Variants in MYO16 observed in about 807,000 individuals in gnomAD.
MYO16 encodes unconventional myosin-XVI.
In MYO16, 94 loss-of-function variants were observed where a neutral mutation model predicts 205.3. The ratio of observed to expected loss-of-function variants is 0.46; its 90% confidence interval spans 0.39 to 0.54. MYO16 has a LOEUF of 0.54. Among genes scored for constraint, MYO16 ranks in the 20% least tolerant of loss-of-function variants. MYO16 has a pLI of 0.00. For missense variants in MYO16, 2,315 were observed against 2,387.5 expected (o/e 0.97, Z 0.63); for synonymous variants, 988 against 954.0 (o/e 1.04, Z -0.66).
chr13:108,500,323 G>A, the MYO16 span, among the ~76,000 whole-genome samples: 4 of 135,104 alleles, frequency 3.0e-5, no homozygotes, highest in Non-Finnish European at 4.6e-5. Flanking sequence ...TCTGCCTCCC[G>A]GGTTCAAGCG....
intron 29 of MYO16, among the ~76,000 whole-genome samples, chr13:109,122,686 C>CAAAAA (rs34459718): frequency 1.0e-5 from 1 of 99,088 alleles, no homozygotes. Context: ...AACTCTGTCT[C>CAAAAA]AAAAAAAAAA....
intron 23 of MYO16, among the ~76,000 whole-genome samples, chr13:109,037,381 A>G (rs750271595): frequency 2.0e-5 from 3 of 152,152 alleles, no homozygotes; most frequent in Non-Finnish European, 4.4e-5. Flanking sequence ...CATTTCCTTC[A>G]TAAGTTGTCA....
intron 5 of MYO16, among the ~76,000 whole-genome samples, chr13:108,790,732 T>C (rs140694584): frequency 7.0e-4 from 106 of 152,326 alleles, no homozygotes; most frequent in African/African-American, 2.4e-3. Flanking sequence ...ATTGGCATCA[T>C]ATCTAATTCA....
rs1409767587 is a variant in MYO16 at position 108,785,767 on chromosome 13, T to A, written c.616+24T>A. ...TGGTAGGCAAAAACTTTTAAAACCATAGAAAAAAATAGATTGGGAGAATTG... is the reference window on the plus strand; with the variant it reads ...TGGTAGGCAAAAACTTTTAAAACCAAAGAAAAAAATAGATTGGGAGAATTG... On this transcript the variant is annotated intron_variant, in intron 5 of 34. Coordinates refer to ENST00000457511, the MANE Select transcript of MYO16 (RefSeq NM_001198950.3). The A allele has an allele frequency of 5.1e-6, 7 of 1,371,446 alleles. No individual in the cohort carries two copies. The Admixed American group carries it at 9.7e-5, about 19-fold the overall frequency. 85.0% of individuals were successfully genotyped at this position (1,371,446 alleles called of 1,614,324 possible).
chr13:109,178,582 A>C (rs1215394866), intron 33 of MYO16, among the ~76,000 whole-genome samples: 1 of 152,164 alleles, frequency 6.6e-6, no homozygotes, highest in Non-Finnish European at 1.5e-5. Flanking sequence ...AGTTGAATTC[A>C]TTTTGTTGGG....
At chr13:108,670,974 T>G (rs1478788721) in intron 2 of MYO16, among the ~76,000 whole-genome samples, 1 of 152,194 alleles carries the variant, frequency 6.6e-6, no homozygotes, top group Non-Finnish European at 1.5e-5. Flanking sequence ...GTATTATGTA[T>G]AGCAGTTTGT....
intron 27 of MYO16, among the ~76,000 whole-genome samples, chr13:109,058,029 G>A (rs574819304): frequency 7.9e-5 from 12 of 152,170 alleles, no homozygotes; most frequent in East Asian, 5.8e-4. Context: ...ATCACCTGGA[G>A]GCTTCTTAAA....
intron 6 of MYO16, among the ~76,000 whole-genome samples, chr13:108,805,781 T>C (rs930266516): frequency 1.3e-5 from 2 of 151,860 alleles, no homozygotes; most frequent in Non-Finnish European, 1.5e-5. Context: ...TAAGATTCCA[T>C]TAAAAAACTA....
intron 1 of MYO16, among the ~76,000 whole-genome samples, chr13:108,596,515 GA>G (rs760850630): frequency 1.1e-4 from 16 of 152,078 alleles, no homozygotes; most frequent in Non-Finnish European, 2.1e-4. Flanking sequence ...CTTCGTGAGT[GA>G]AGAGGAAATA....
intron 34 of MYO16, among the ~76,000 whole-genome samples, chr13:109,186,500 G>T (rs1237871515): frequency 6.6e-6 from 1 of 152,158 alleles, no homozygotes; most frequent in Admixed American, 6.5e-5. Flanking sequence ...TCTGTGCTCA[G>T]TGCCAATATG....
chr13:109,184,441 T>A (rs1879590455), intron 34 of MYO16, among the ~76,000 whole-genome samples: 1 of 152,212 alleles, frequency 6.6e-6, no homozygotes, highest in African/African-American at 2.4e-5. Flanking sequence ...ATATTTTGTA[T>A]TTTTCCATCA....
chr13:108,990,728 T>C (rs919176371), intron 20 of MYO16, among the ~76,000 whole-genome samples: 1 of 152,136 alleles, frequency 6.6e-6, no homozygotes, highest in Non-Finnish European at 1.5e-5. Flanking sequence ...CGAAGGCTTT[T>C]AAAAAATTCT....
At position 109,040,381 on chromosome 13, in the gene MYO16, CACACAGAG is replaced by C. The variant is rs1184092074; in HGVS notation, c.2797-6533_2797-6526del. Among the ~76,000 whole-genome samples the C allele has an allele frequency of 5.5e-5, 4 of 72,552 alleles. No individual in the cohort carries two copies. The East Asian group carries it at 5.2e-3, about 95-fold the overall frequency. 47.6% of individuals were successfully genotyped at this position (72,552 alleles called of 152,430 possible). On this transcript the variant is annotated intron_variant, in intron 23 of 34. Coordinates refer to ENST00000457511, the MANE Select transcript of MYO16 (RefSeq NM_001198950.3). ...TAGCATACACACACACACACACACACACACAGAGAGAGAGAGAGAGAGAGAGAGAGAGA... is the reference window on the plus strand; with the variant it reads ...TAGCATACACACACACACACACACACAGAGAGAGAGAGAGAGAGAGAGAGA...
intron 27 of MYO16, among the ~76,000 whole-genome samples, chr13:109,071,632 T>C (rs1418725211): frequency 6.6e-6 from 1 of 152,344 alleles, no homozygotes; most frequent in African/African-American, 2.4e-5. Context: ...CTAAGAAATA[T>C]AAGTTAACCA....
In MYO16 at chr13:109,165,033, C is replaced by T. The variant is rs1878580205; in HGVS notation, c.5297C>T (p.Ala1766Val). The T allele has an allele frequency of 6.3e-7, 1 of 1,593,604 alleles. No individual in the cohort carries two copies. Among genetic ancestry groups the T allele is most frequent in the Non-Finnish European group, 8.5e-7 (1 of 1,172,596 alleles). The stretch of plus-strand genomic sequence containing the variant: ...AATTCACTATCTAGTGCTATAACTG[C>T]TGAAAATGGAAATTCCATCTCAAAT... ...LSNSLSSAITAENGNSISNGL... is the reference protein window; with the variant it reads ...LSNSLSSAITVENGNSISNGL... Residue 1766 changes from alanine (A) to valine (V), a missense_variant, in exon 33 of 35, where the codon GCT (alanine) becomes GTT (valine). This residue lies in a region of MYO16 where 1,097 missense variants were observed against 1,092.0 expected (regional missense o/e 1.00). Transcript: ENST00000457511.
At chr13:108,670,153 G>A (rs1881923619) in intron 2 of MYO16, among the ~76,000 whole-genome samples, 1 of 152,144 alleles carries the variant, frequency 6.6e-6, no homozygotes, top group Non-Finnish European at 1.5e-5. Flanking sequence ...AGTAAGAGAA[G>A]GCAATTGATG....
intron 28 of MYO16, among the ~76,000 whole-genome samples, chr13:109,118,134 A>G (rs915195420): frequency 9.2e-5 from 14 of 152,196 alleles, no homozygotes; most frequent in African/African-American, 3.1e-4. Context: ...CTTAGAAAAC[A>G]TGCTTCTTAC....
Position 109,193,046 on chromosome 13 carries a change from A to C in MYO16, c.5415+13413A>C, listed in dbSNP as rs574560337. Among the ~76,000 whole-genome samples, 119 of 152,252 alleles carry C rather than the reference A, an allele frequency of 7.8e-4. 1 individual carries two copies. Among genetic ancestry groups the C allele is most frequent in the African/African-American group, 2.7e-3 (113 of 41,548 alleles). ...AATTGTAGGAATATTGCTAATAAGAAGCTATAGTACAAAATAATGATCAGT... is the reference window on the plus strand; with the variant it reads ...AATTGTAGGAATATTGCTAATAAGACGCTATAGTACAAAATAATGATCAGT... On this transcript the variant is annotated intron_variant, in intron 34 of 34. Transcript: ENST00000457511.
At chr13:109,049,082 C>CTTT (rs11350745) in intron 24 of MYO16, 5 of 122,324 alleles carry the variant, frequency 4.1e-5, no homozygotes, top group African/African-American at 1.2e-4. Flanking sequence ...ATTATTGAGT[C>CTTT]TTTTTTTTTT....
Sources: gnomAD v4.1 joint callset for allele counts (sites outside exome capture counted in the v4.1 genomes callset) on GRCh38, gnomAD v4.1.1 for gene constraint, gnomAD v4.1.1 regional missense constraint, MANE v1.5 for transcripts, NCBI Gene and HGNC (gene_info 2026-07-23, HGNC 2026-07-21) for gene names.